KLF12: variants seen among roughly 807,000 people sequenced by gnomAD.
KLF12 encodes Krueppel-like factor 12.
In KLF12, 9 loss-of-function variants were observed where a neutral mutation model predicts 37.8. The ratio of observed to expected loss-of-function variants is 0.24; its 90% CI spans 0.14 to 0.42. The LOEUF (loss-of-function observed/expected upper bound fraction) is 0.42. KLF12 is among the 10% of genes least tolerant of loss of function. The pLI, the probability that KLF12 is intolerant of heterozygous loss-of-function variation, is 1.00. For missense variants in KLF12, 411 were observed against 516.0 expected (o/e 0.80, Z 1.97); for synonymous variants, 208 against 202.1 (o/e 1.03, Z -0.25).
chr13:74,229,290 C>A, the KLF12 span, among the ~76,000 whole-genome samples: 1 of 152,152 alleles, frequency 6.6e-6, no homozygotes, highest in Non-Finnish European at 1.5e-5. Flanking sequence ...ACATAATAAG[C>A]AATGTGTCCC....
rs567831490 is a variant in KLF12 at position 73,815,700 on chromosome 13, C to T, written c.671-2413G>A. Reference sequence around the variant, plus strand: ...AACATCATGCACTACGATGCCTTTGCCAAGATACCAAATTTGCAAACAGCC... The same window carrying T: ...AACATCATGCACTACGATGCCTTTGTCAAGATACCAAATTTGCAAACAGCC... On this transcript the variant is annotated intron_variant, in intron 4 of 7. Coordinates refer to ENST00000377669, the MANE Select transcript of KLF12 (RefSeq NM_007249.5). Among the ~76,000 whole-genome samples the T allele has an allele frequency of 2.6e-5, 4 of 152,200 alleles. No homozygotes were observed. In the East Asian group the frequency reaches 7.7e-4, roughly 29 times the overall value.
chr13:73,967,159 T>A (rs1012792673), intron 2 of KLF12, among the ~76,000 whole-genome samples: 1 of 152,190 alleles, frequency 6.6e-6, no homozygotes, highest in African/African-American at 2.4e-5. Flanking sequence ...GGGAATCTGT[T>A]TTCCTGGCCC....
the KLF12 span, among the ~76,000 whole-genome samples, chr13:74,161,084 T>A: frequency 1.4e-5 from 2 of 141,862 alleles, no homozygotes; most frequent in Non-Finnish European, 3.1e-5. Context: ...TTTTTTTTTT[T>A]AATTGACAAG....
intron 7 of KLF12, among the ~76,000 whole-genome samples, chr13:73,708,511 A>G (rs1252068833): frequency 6.6e-6 from 1 of 152,190 alleles, no homozygotes; most frequent in East Asian, 1.9e-4. Context: ...TGTCATACAT[A>G]CTGTTAGAGT....
At chr13:73,837,682 T>C (rs1027357173) in intron 4 of KLF12, among the ~76,000 whole-genome samples, 1 of 152,072 alleles carries the variant, frequency 6.6e-6, no homozygotes, top group African/African-American at 2.4e-5. Context: ...ATAAACCAAA[T>C]AACAGCAATA....
chr13:73,927,933 C>G (rs1889478614), intron 3 of KLF12, among the ~76,000 whole-genome samples: 1 of 150,138 alleles, frequency 6.7e-6, no homozygotes, highest in African/African-American at 2.5e-5. Context: ...TCTCGGCTCA[C>G]TGCAACCTCC....
chr13:73,864,319 C>T (rs1488331247), intron 3 of KLF12, among the ~76,000 whole-genome samples: 1 of 151,958 alleles, frequency 6.6e-6, no homozygotes, highest in Non-Finnish European at 1.5e-5. Flanking sequence ...TGTACTTTAC[C>T]AGTGAGTGGG....
chr13:73,763,993 G>C (rs1330641672), intron 6 of KLF12, among the ~76,000 whole-genome samples: 5 of 152,036 alleles, frequency 3.3e-5, no homozygotes, highest in African/African-American at 1.2e-4. Flanking sequence ...GATTAGGCAT[G>C]ATTCAAATTC....
intron 2 of KLF12, among the ~76,000 whole-genome samples, chr13:73,981,951 G>T (rs956456379): frequency 2.6e-5 from 4 of 151,836 alleles, no homozygotes; most frequent in African/African-American, 9.7e-5. Flanking sequence ...AAGGGGTCTT[G>T]AAAAAAAATA....
chr13:73,886,539 G>A (rs1200836702), intron 3 of KLF12, among the ~76,000 whole-genome samples: 1 of 152,138 alleles, frequency 6.6e-6, no homozygotes, highest in Non-Finnish European at 1.5e-5. Context: ...ATACCTAGGT[G>A]ATGGGCTGAT....
intron 1 of KLF12, among the ~76,000 whole-genome samples, chr13:74,019,501 C>CT (rs1892785919): frequency 6.6e-6 from 1 of 152,196 alleles, no homozygotes; most frequent in Non-Finnish European, 1.5e-5. Context: ...TCAGATTTCT[C>CT]TGTCAAGAAG....
At chr13:73,899,854 T>C (rs537026499) in intron 3 of KLF12, among the ~76,000 whole-genome samples, 3 of 152,270 alleles carry the variant, frequency 2.0e-5, no homozygotes, top group African/African-American at 7.2e-5. Context: ...ACCACTAACT[T>C]ACCTGGTTCT....
At chr13:74,007,052 G>A (rs560807118) in intron 1 of KLF12, among the ~76,000 whole-genome samples, 54 of 152,116 alleles carry the variant, frequency 3.5e-4, no homozygotes, top group African/African-American at 1.3e-3. Context: ...TCTGGGAGGG[G>A]TTCCATCTCT....
the KLF12 span, among the ~76,000 whole-genome samples, chr13:74,205,904 A>G: frequency 6.6e-6 from 1 of 152,136 alleles, no homozygotes; most frequent in Non-Finnish European, 1.5e-5. Flanking sequence ...CCCTGTCAGC[A>G]GTAATTAACA....
At chr13:73,740,626 C>G (rs1160440681) in intron 6 of KLF12, among the ~76,000 whole-genome samples, 1 of 152,126 alleles carries the variant, frequency 6.6e-6, no homozygotes, top group Non-Finnish European at 1.5e-5. Context: ...CAGTTGTGAG[C>G]CACTGCACCT....
At chr13:73,835,882 A>G (rs1884403573) in intron 4 of KLF12, among the ~76,000 whole-genome samples, 1 of 152,212 alleles carries the variant, frequency 6.6e-6, no homozygotes, top group African/African-American at 2.4e-5. Context: ...CCAACCAGAA[A>G]TGACCCCCAG....
At chr13:73,872,280 A>C (rs768559129) in intron 3 of KLF12, among the ~76,000 whole-genome samples, 6 of 152,210 alleles carry the variant, frequency 3.9e-5, no homozygotes, top group Admixed American at 2.0e-4. Context: ...GGGTAAGCTG[A>C]TTTAGGGACC....
chr13:73,812,663 G>A (rs1883004875), intron 5 of KLF12, among the ~76,000 whole-genome samples: 1 of 151,842 alleles, frequency 6.6e-6, no homozygotes, highest in Non-Finnish European at 1.5e-5. Context: ...TGCGGTCCAG[G>A]TAAAAGGACA....
In KLF12 at chr13:73,721,224, C is replaced by T. The variant is rs565003439; in HGVS notation, c.870-5699G>A. ...GGCCAAGACAAAGTCTGCGGCTACA[C>T]TAAAACTCAGACCTGAGTGGTTGAT... On this transcript the variant is annotated intron_variant, in intron 6 of 7. Coordinates refer to ENST00000377669, the MANE Select transcript of KLF12 (RefSeq NM_007249.5). 2.6e-5 allele frequency among the ~76,000 whole-genome samples: 4 copies of T among 152,318 alleles called. No individual in the cohort carries two copies. The South Asian group carries it at 8.3e-4, about 32-fold the overall frequency.
Sources: allele counts gnomAD v4.1 joint callset (sites outside exome capture counted in the v4.1 genomes callset), GRCh38; gene constraint gnomAD v4.1.1; transcripts MANE v1.5; gene names NCBI Gene and HGNC (gene_info 2026-07-23, HGNC 2026-07-21).